The following PRLR variants were observed in gnomAD, a reference collection of about 807,000 sequenced individuals.
PRLR encodes the protein prolactin receptor, also known as hPRL receptor.
PRLR carries 13 observed loss-of-function variants against 40.2 expected under a neutral mutation model. That is an observed-to-expected ratio of 0.32 (90% CI 0.21 to 0.51). The LOEUF (loss-of-function observed/expected upper bound fraction) is 0.51. Among genes scored for constraint, PRLR ranks in the 20% least tolerant of loss-of-function variants. PRLR has a pLI of 0.97. For synonymous variants in PRLR, 269 were observed against 278.7 expected (o/e 0.97, Z 0.35); for missense variants, 656 against 747.3 (o/e 0.88, Z 1.42).
intron 1 of PRLR, among the ~76,000 whole-genome samples, chr5:35,224,347 A>G (rs1776499987): frequency 6.6e-6 from 1 of 152,164 alleles, no homozygotes; most frequent in African/African-American, 2.4e-5. Context: ...ATTTCTGGCC[A>G]GTGAATAAAA....
At chr5:35,075,528 A>G (rs1176226723) in intron 5 of PRLR, among the ~76,000 whole-genome samples, 4 of 152,180 alleles carry the variant, frequency 2.6e-5, no homozygotes, top group African/African-American at 9.7e-5. Context: ...GATTGTAAAC[A>G]AAGTGGCCAG....
At position 35,056,536 on chromosome 5, in the gene PRLR, C is replaced by T. The variant is rs1480087953; in HGVS notation, c.*8553G>A. ...TTTAGAATGTATAAAACTTGATTAG[C>T]AAGTTGTAGGAAACCTGACAAAGTT... On this transcript the variant is annotated 3_prime_UTR_variant, in exon 10 of 10. Transcript: ENST00000618457. 1.3e-5 allele frequency: 2 copies of T among 152,128 alleles called. No individual in the cohort carries two copies. The highest frequency in any genetic ancestry group is 2.1e-4 in the South Asian group (1 of 4,826). 9.4% of individuals were successfully genotyped at this position (152,128 alleles called of 1,614,324 possible).
At chr5:35,104,688 T>C (rs1772114367) in intron 2 of PRLR, among the ~76,000 whole-genome samples, 1 of 152,052 alleles carries the variant, frequency 6.6e-6, no homozygotes, top group Non-Finnish European at 1.5e-5. Flanking sequence ...CGTCCACCAT[T>C]GCTGAGGCTT....
intron 2 of PRLR, among the ~76,000 whole-genome samples, chr5:35,100,001 C>T (rs1224707996): frequency 6.6e-6 from 1 of 151,442 alleles, no homozygotes; most frequent in African/African-American, 2.4e-5. Context: ...ATGGTGAAAC[C>T]CCGTCTCTAC....
intron 1 of PRLR, among the ~76,000 whole-genome samples, chr5:35,218,873 T>C (rs182727739): frequency 6.6e-6 from 1 of 152,292 alleles, no homozygotes; most frequent in Admixed American, 6.5e-5. Flanking sequence ...TGAATAACTT[T>C]GGTTTCTTCA....
At chr5:35,181,276 A>C (rs1322163989) in intron 1 of PRLR, among the ~76,000 whole-genome samples, 3 of 152,076 alleles carry the variant, frequency 2.0e-5, no homozygotes, top group Non-Finnish European at 4.4e-5. Flanking sequence ...ATGCTTAATA[A>C]TCCTGGCATT....
At chr5:35,205,536 T>C (rs905917723) in intron 1 of PRLR, among the ~76,000 whole-genome samples, 8 of 38,190 alleles carry the variant, frequency 2.1e-4, no homozygotes, top group South Asian at 1.2e-3. Context: ...ATCCCTTCTA[T>C]ATCTGTATGA....
Position 35,129,139 on chromosome 5 carries a change from G to T in PRLR, c.-105-11017C>A, listed in dbSNP as rs547488519. 2.0e-5 allele frequency among the ~76,000 whole-genome samples: 3 copies of T among 152,272 alleles called. No homozygotes were observed. The East Asian group carries it at 5.8e-4, about 29-fold the overall frequency. On this transcript the variant is annotated intron_variant, in intron 1 of 9. Transcript: ENST00000618457. ...CAAATTCTCTCCTTTCTGGATGCTG[G>T]TGGTGGTTATGTAGGCAGCTTTCAT... is the stretch of plus-strand genomic sequence containing the variant.
intron 1 of PRLR, among the ~76,000 whole-genome samples, chr5:35,208,096 G>A (rs1422344737): frequency 2.0e-5 from 3 of 151,584 alleles, no homozygotes; most frequent in South Asian, 2.1e-4. Context: ...TCTTTCTCTC[G>A]GACTGCCGCA....
chr5:35,094,852 G>A (rs1160719342), intron 2 of PRLR, among the ~76,000 whole-genome samples: 1 of 148,052 alleles, frequency 6.8e-6, no homozygotes, highest in Non-Finnish European at 1.5e-5. Context: ...TTTTGAGACG[G>A]GGTCTTGTTC....
chr5:35,109,609 T>A (rs1370584777), intron 2 of PRLR, among the ~76,000 whole-genome samples: 1 of 152,014 alleles, frequency 6.6e-6, no homozygotes, highest in Non-Finnish European at 1.5e-5. Context: ...AACAGACACA[T>A]GAAAAAATGC....
intron 1 of PRLR, among the ~76,000 whole-genome samples, chr5:35,153,878 T>C (rs1416475922): frequency 6.6e-6 from 1 of 151,996 alleles, no homozygotes; most frequent in African/African-American, 2.4e-5. Flanking sequence ...CTGAGAAGGA[T>C]CCCAACCCCA....
At chr5:35,073,979 T>A (rs1769910533) in intron 5 of PRLR, among the ~76,000 whole-genome samples, 1 of 152,204 alleles carries the variant, frequency 6.6e-6, no homozygotes, top group Admixed American at 6.5e-5. Flanking sequence ...GAAAACAGTC[T>A]GGAAGTTCCT....
In PRLR at chr5:35,058,662, A is replaced by G. The variant is rs1486667030; in HGVS notation, c.*6427T>C. ...TCATAGACACAATCATATTGAAACT[A>G]CATATGGATAAATTGTAAGTTATTA... On this transcript the variant is annotated 3_prime_UTR_variant, in exon 10 of 10. Coordinates refer to ENST00000618457, the MANE Select transcript of PRLR (RefSeq NM_000949.7). The G allele has an allele frequency of 1.3e-5, 2 of 152,248 alleles. No individual in the cohort carries two copies. Among genetic ancestry groups the G allele is most frequent in the African/African-American group, 4.8e-5 (2 of 41,474 alleles). 9.4% of individuals were successfully genotyped at this position (152,248 alleles called of 1,614,324 possible).
chr5:35,165,512 A>G (rs1561343295), intron 1 of PRLR, among the ~76,000 whole-genome samples: 1 of 152,210 alleles, frequency 6.6e-6, no homozygotes, highest in Non-Finnish European at 1.5e-5. Flanking sequence ...CACCTATTTC[A>G]TTTGAGATGT....
At chr5:35,166,272 T>C (rs1349836479) in intron 1 of PRLR, among the ~76,000 whole-genome samples, 1 of 152,206 alleles carries the variant, frequency 6.6e-6, no homozygotes, top group Non-Finnish European at 1.5e-5. Flanking sequence ...GATTGTCTGA[T>C]ACGTGTTATA....
At chr5:35,172,649 T>C (rs1775035378) in intron 1 of PRLR, among the ~76,000 whole-genome samples, 1 of 152,172 alleles carries the variant, frequency 6.6e-6, no homozygotes, top group South Asian at 2.1e-4. Context: ...CCTTCTCAGT[T>C]TGTCCTGTTT....
intron 1 of PRLR, chr5:35,195,091 A>T (rs1042499272): frequency 6.6e-6 from 1 of 152,184 alleles, no homozygotes; most frequent in African/African-American, 2.4e-5. Context: ...TAAAAAAATC[A>T]TCTCAACTCA....
chr5:35,228,828 A>G (rs116316148), intron 1 of PRLR, among the ~76,000 whole-genome samples: 5,394 of 152,110 alleles, frequency 0.035, 351 homozygotes, highest in African/African-American at 0.12. Flanking sequence ...AGTCAGCCCA[A>G]CCAGCAGCAA....
Sources: allele counts gnomAD v4.1 joint callset (sites outside exome capture counted in the v4.1 genomes callset), GRCh38; gene constraint gnomAD v4.1.1; transcripts MANE v1.5; gene names NCBI Gene and HGNC (gene_info 2026-07-23, HGNC 2026-07-21).